Variants in CD63 observed in about 807,000 individuals in gnomAD.
CD63 encodes CD63 antigen.
In CD63, 16 loss-of-function variants were observed where a neutral mutation model predicts 29.2. The ratio of observed to expected loss-of-function variants is 0.55; its 90% CI spans 0.37 to 0.83. CD63 has a LOEUF of 0.83. Among genes scored for constraint, CD63 ranks in the 40% least tolerant of loss-of-function variants. The pLI, the probability that CD63 is intolerant of heterozygous loss-of-function variation, is 0.00. For missense variants in CD63, 251 were observed against 297.3 expected, an observed-to-expected ratio of 0.84 and a Z score of 1.15; for synonymous variants, 118 against 111.7, an observed-to-expected ratio of 1.06 and a Z score of -0.36.
Position 55,727,493 on chromosome 12 carries a change from G to A in CD63, c.67-154C>T. The A allele has an allele frequency of 8.5e-6, 10 of 1,178,232 alleles. No homozygotes were observed. The South Asian group carries it at 1.7e-4, about 20-fold the overall frequency. The allele number at this position is 1,178,232 out of a possible 1,614,324, so 73.0% of individuals were successfully genotyped here. Reference sequence around the variant, plus strand: ...AATTTCTTTGGCTGTGGGGTAGGGGGATGACCCATCCTTGCCTGCCCCTAC... The same window carrying A: ...AATTTCTTTGGCTGTGGGGTAGGGGAATGACCCATCCTTGCCTGCCCCTAC... On this transcript the variant is annotated intron_variant, in intron 2 of 7. Transcript: ENST00000257857.
downstream of CD63, chr12:55,724,306 A>G: frequency 6.2e-7 from 1 of 1,612,226 alleles, no homozygotes; most frequent in African/African-American, 1.3e-5. Context: ...GATTGCAACC[A>G]CCTATGGGGC....
At position 55,726,769 on chromosome 12, in the gene CD63, G is replaced by T. The variant is rs994190722; in HGVS notation, c.357C>A (p.Phe119Leu). Residue 119 changes from phenylalanine to leucine, a missense_variant, in exon 5 of 8, where the codon TTC (phenylalanine) becomes TTA (leucine). By Grantham distance (22) the Phe-to-Leu change is conservative. Coordinates refer to ENST00000257857, the MANE Select transcript of CD63 (RefSeq NM_001780.6). ...DKVMSEFNNN[F>L]RQQMENYPKN... ...TCGGGTAATTCTCCATCTGCTGCCG[G>T]AAGTTGTTATTAAACTCTGACATCA... The T allele has an allele frequency of 2.6e-5, 42 of 1,614,056 alleles. No homozygotes were observed. Among genetic ancestry groups the T allele is most frequent in the Non-Finnish European group, 3.5e-5 (41 of 1,179,958 alleles).
In CD63 at chr12:55,726,143, T is replaced by C; in HGVS notation, c.545A>G (p.Asn182Ser). The change falls in exon 6 of 8, where the codon AAC becomes AGC. Residue 182 changes from asparagine to serine, a missense_variant. Physicochemically the swap from Asn to Ser is conservative, Grantham distance 46 (BLOSUM62 1). Coordinates refer to ENST00000257857, the MANE Select transcript of CD63 (RefSeq NM_001780.6). The part of the protein sequence containing the change: ...NVTVGCGINF[N>S]EKAIHKEGCV... ...TACCTCCTTATGGATCGCCTTCTCGTTGAAATTAATCCCACAGCCCACAGT... is the reference window on the plus strand; with the variant it reads ...TACCTCCTTATGGATCGCCTTCTCGCTGAAATTAATCCCACAGCCCACAGT... The C allele has an allele frequency of 6.2e-7, 1 of 1,613,936 alleles. No individual in the cohort carries two copies. The highest frequency in any genetic ancestry group is 8.5e-7 in the Non-Finnish European group (1 of 1,179,982).
Position 55,727,280 on chromosome 12 carries a change from G to A in CD63, c.126C>T (p.Thr42=). The A allele has an allele frequency of 6.2e-7, 1 of 1,613,900 alleles. No individual in the cohort carries two copies. The change falls in exon 3 of 8, where the codon ACC becomes ACT. Residue 42 remains threonine, a synonymous_variant. Coordinates refer to ENST00000257857, the MANE Select transcript of CD63 (RefSeq NM_001780.6). ...AGCCAGGGGTAGCCCCCTGGATTAT[G>A]GTCTGACTCAGGACAAGCTGTGCCC... ...GVGAQLVLSQ[T]IIQGATPGSL...
At position 55,726,769 on chromosome 12, in the gene CD63, G is replaced by C. The variant is rs994190722; in HGVS notation, c.357C>G (p.Phe119Leu). 2 of 1,614,056 alleles carry C rather than the reference G, an allele frequency of 1.2e-6. No homozygotes were observed. The highest frequency in any genetic ancestry group is 2.2e-5 in the East Asian group (1 of 44,888). ...TCGGGTAATTCTCCATCTGCTGCCG[G>C]AAGTTGTTATTAAACTCTGACATCA... is the stretch of plus-strand genomic sequence containing the variant. ...DKVMSEFNNNFRQQMENYPKN... is the reference protein window; with the variant it reads ...DKVMSEFNNNLRQQMENYPKN... The change falls in exon 5 of 8, where the codon TTC (phenylalanine) becomes TTG (leucine). Residue 119 changes from phenylalanine to leucine, a missense_variant. Coordinates refer to ENST00000257857, the MANE Select transcript of CD63 (RefSeq NM_001780.6).
chr12:55,725,713 C>T (rs1877239973), intron 7 of CD63, 87 bp from the exon 8 acceptor site: 6 of 1,516,958 alleles, frequency 4.0e-6, no homozygotes, highest in African/African-American at 1.4e-5. Flanking sequence ...AACACACACT[C>T]CCAGGCCAGT....
chr12:55,728,534 G>T lies in CD63; in HGVS notation c.-11-182C>A. On this transcript the variant is annotated intron_variant, in intron 1 of 7. Transcript: ENST00000257857. The surrounding 1 kb of genome is among the most constrained non-coding windows in gnomAD (Gnocchi z 4.8). ...TCTTTACCCGCAGGAGAGGGGTGGG[G>T]GCGACGGCCGCGAAGCCCGGACCCC... is the stretch of plus-strand genomic sequence containing the variant. The T allele has an allele frequency of 7.0e-7, 1 of 1,438,108 alleles. No homozygotes were observed. Among genetic ancestry groups the T allele is most frequent in the South Asian group, 1.5e-5 (1 of 68,212 alleles). 89.1% of individuals were successfully genotyped at this position (1,438,108 alleles called of 1,614,324 possible). A position where few individuals can be genotyped will look rare whatever the true frequency, so the allele number is the denominator to read the frequency against.
At chr12:55,723,786 C>T (rs3138136), downstream of CD63, 123,868 of 1,380,348 alleles carry the variant, frequency 0.09, 6,387 homozygotes, top group Non-Finnish European at 0.11. Flanking sequence ...AACTCTTGTC[C>T]CTGGTCTGTG....
chr12:55,729,352 CGAGGTGGGTGA>C (rs1877762217), upstream of CD63: 1 of 156,942 alleles, frequency 6.4e-6, no homozygotes, highest in African/African-American at 2.4e-5. Flanking sequence ...GAGAAGCGGA[CGAGGTGGGTGA>C]GAGTTACCCT....
At chr12:55,725,919 A>G in intron 6 of CD63, 23 bp from the exon 7 acceptor site, 2 of 1,611,050 alleles carry the variant, frequency 1.2e-6, no homozygotes, top group Non-Finnish European at 8.5e-7. Flanking sequence ...GGCACAAAGG[A>G]CAAAAGCACC....
chr12:55,724,516 C>G (rs761500612), downstream of CD63: 74 of 1,612,452 alleles, frequency 4.6e-5, no homozygotes, highest in East Asian at 1.6e-3. Context: ...CACCTGGGTC[C>G]TTCCCAAGCC....
Position 55,728,235 on chromosome 12 carries a change from G to T in CD63, c.66+41C>A. 1.3e-6 allele frequency: 2 copies of T among 1,551,504 alleles called. No individual in the cohort carries two copies. Among genetic ancestry groups the T allele is most frequent in the Admixed American group, 1.8e-5 (1 of 56,082 alleles). On this transcript the variant is annotated intron_variant, in intron 2 of 7. Coordinates refer to ENST00000257857, the MANE Select transcript of CD63 (RefSeq NM_001780.6). The surrounding 1 kb of genome is among the most constrained non-coding windows in gnomAD (Gnocchi z 4.8). ...CACCACTGTGGAGCCAGGTCTCCCC[G>T]CACCCTGCCGGCGCGCCCCCCAGGA...
chr12:55,728,474 G>T lies in CD63; in HGVS notation c.-11-122C>A. 3.3e-6 allele frequency: 5 copies of T among 1,495,536 alleles called. No homozygotes were observed. Among genetic ancestry groups the T allele is most frequent in the Non-Finnish European group, 3.6e-6 (4 of 1,123,206 alleles). The allele number at this position is 1,495,536 out of a possible 1,614,324, so 92.6% of individuals were successfully genotyped here. ...CCCGATTCCCGGCCCCTCCCACCCGGAAACCCGCGGTCGGATCCACGTCTC... is the reference window on the plus strand; with the variant it reads ...CCCGATTCCCGGCCCCTCCCACCCGTAAACCCGCGGTCGGATCCACGTCTC... On this transcript the variant is annotated intron_variant, in intron 1 of 7. Transcript: ENST00000257857. This position sits in a 1 kb window ranked among gnomAD's most constrained non-coding sequence, Gnocchi z 4.8.
downstream of CD63, chr12:55,724,536 A>C (rs2136143271): frequency 6.2e-7 from 1 of 1,611,228 alleles, no homozygotes; most frequent in Middle Eastern, 1.6e-4. Context: ...CTGCCCAAGC[A>C]GTCTACTGAA....
At chr12:55,724,069 CAG>C (rs1372500742), downstream of CD63, 3 of 1,603,842 alleles carry the variant, frequency 1.9e-6, no homozygotes, top group African/African-American at 1.3e-5. Context: ...CAGGCCCACA[CAG>C]GGGCACATGA....
At chr12:55,724,221 G>A (rs1877083385), downstream of CD63, 1 of 1,472,390 alleles carries the variant, frequency 6.8e-7, no homozygotes. Context: ...CCACACTGAG[G>A]AGGGGACTGA....
chr12:55,725,644 G>A lies in CD63; in HGVS notation c.652-18C>T. 6.2e-7 allele frequency: 1 copy of A among 1,612,532 alleles called. No individual in the cohort carries two copies. The highest frequency in any genetic ancestry group is 1.1e-5 in the South Asian group (1 of 91,038). On this transcript the variant is annotated intron_variant, in intron 7 of 7. Coordinates refer to ENST00000257857, the MANE Select transcript of CD63 (RefSeq NM_001780.6). ...CCCAAAACCTAGAAGGAAAGATGGG[G>A]ACAGGGGTGGAGAGGAGTCAGAAGG... is the stretch of plus-strand genomic sequence containing the variant.
chr12:55,726,729 C>T lies in CD63; in HGVS notation c.397G>A (p.Ala133Thr). The change falls in exon 5 of 8, where the codon GCT becomes ACT. Residue 133 changes from alanine to threonine, a missense_variant. Physicochemically the swap from Ala to Thr is moderately conservative, Grantham distance 58. Transcript: ENST00000257857. ...GCCTGCATCCTGTCCAGGATCGAAG[C>T]AGTGTGGTTGTTTTTCGGGTAATTC... ...MENYPKNNHTASILDRMQADF... is the reference protein window; with the variant it reads ...MENYPKNNHTTSILDRMQADF... The T allele has an allele frequency of 6.2e-7, 1 of 1,614,074 alleles. No individual in the cohort carries two copies. The highest frequency in any genetic ancestry group is 2.2e-5 in the East Asian group (1 of 44,884).
Position 55,728,151 on chromosome 12 carries a change from C to T in CD63, c.66+125G>A. On this transcript the variant is annotated intron_variant, in intron 2 of 7. Transcript: ENST00000257857. The surrounding 1 kb of genome is among the most constrained non-coding windows in gnomAD (Gnocchi z 4.8). Reference sequence around the variant, plus strand: ...AGGAGGGAGTGGCTGCGCTGTCTTTCCCTGGCTTTCTTTCCACATCTGGTC... The same window carrying T: ...AGGAGGGAGTGGCTGCGCTGTCTTTTCCTGGCTTTCTTTCCACATCTGGTC... The T allele has an allele frequency of 1.1e-6, 1 of 948,598 alleles. No individual in the cohort carries two copies. Among genetic ancestry groups the T allele is most frequent in the Non-Finnish European group, 1.6e-6 (1 of 612,130 alleles). The allele number at this position is 948,598 out of a possible 1,614,324, so 58.8% of individuals were successfully genotyped here.
Sources: gnomAD v4.1 joint callset for allele counts on GRCh38, gnomAD v4.1.1 for gene constraint, Gnocchi (gnomAD v3.1) non-coding constraint, MANE v1.5 for transcripts, NCBI Gene and HGNC (gene_info 2026-07-23, HGNC 2026-07-21) for gene names.